Variants in CCDC30 observed in about 807,000 individuals in gnomAD.
CCDC30 encodes the protein coiled-coil domain-containing protein 30.
In CCDC30, 70 loss-of-function variants were observed where a neutral mutation model predicts 100.2. The ratio of observed to expected loss-of-function variants is 0.70; its 90% CI spans 0.58 to 0.85. The LOEUF is 0.85. CCDC30 is among the 40% of genes least tolerant of loss of function. The pLI, the probability that CCDC30 is intolerant of heterozygous loss-of-function variation, is 0.00. For synonymous variants in CCDC30, 233 were observed against 269.5 expected (o/e 0.86, Z 1.33); for missense variants, 652 against 771.2 (o/e 0.85, Z 1.83).
At chr1:42,500,343 T>C (rs1174047974) in intron 6 of CCDC30, 1 of 1,600,448 alleles carries the variant, frequency 6.2e-7, no homozygotes, top group East Asian at 2.2e-5. Flanking sequence ...CAGACATAGT[T>C]GCCGAGGAAA....
At position 42,563,549 on chromosome 1, in the gene CCDC30, A is replaced by T. The variant is rs1437424012; in HGVS notation, c.457-2747A>T. Reference sequence around the variant, plus strand: ...GTATATCTATGTAACAAACCTGCACATTCTGACTATGTATCCTGGTTTTTT... The same window carrying T: ...GTATATCTATGTAACAAACCTGCACTTTCTGACTATGTATCCTGGTTTTTT... On this transcript the variant is annotated intron_variant, in intron 6 of 16. Transcript: ENST00000668663. 2.0e-5 allele frequency among the ~76,000 whole-genome samples: 3 copies of T among 152,176 alleles called. 1 individual carries two copies. Among genetic ancestry groups the T allele is most frequent in the Admixed American group, 2.0e-4 (3 of 15,278 alleles).
rs759016802 is a variant in CCDC30, at chr1:42,589,494, A to T, written c.1164+11A>T. 6.2e-7 allele frequency: 1 copy of T among 1,608,014 alleles called. No homozygotes were observed. ...AGAAAATATGATGAGGTAAGAAAGT[A>T]AATAGACATGCTTCTCAGTTTTCCT... On this transcript the variant is annotated intron_variant, in intron 10 of 16. Coordinates refer to ENST00000668663, the Ensembl canonical transcript of CCDC30.
chr1:42,469,304 C>T (rs1287008397), intron 1 of CCDC30, among the ~76,000 whole-genome samples: 1 of 152,158 alleles, frequency 6.6e-6, no homozygotes, highest in Non-Finnish European at 1.5e-5. Context: ...ATCACTAGAG[C>T]GCAGGAGTTT....
chr1:42,619,460 G>A (rs1211773933), intron 11 of CCDC30, among the ~76,000 whole-genome samples: 4 of 152,178 alleles, frequency 2.6e-5, no homozygotes, highest in African/African-American at 9.7e-5. Context: ...ATTAATGTGT[G>A]TGTGGGAGAA....
intron 10 of CCDC30, among the ~76,000 whole-genome samples, chr1:42,606,489 G>A (rs564728747): frequency 6.6e-6 from 1 of 152,214 alleles, no homozygotes; most frequent in Admixed American, 6.5e-5. Context: ...TGTTGGCCAG[G>A]CTTGTCTCGA....
intron 11 of CCDC30, among the ~76,000 whole-genome samples, chr1:42,634,885 A>G (rs1452665663): frequency 2.0e-5 from 3 of 152,118 alleles, no homozygotes; most frequent in Admixed American, 6.5e-5. Context: ...GCAACCACTA[A>G]TCTACTTTCT....
At chr1:42,482,239 T>A (rs1010928547) in intron 2 of CCDC30, among the ~76,000 whole-genome samples, 22 of 135,994 alleles carry the variant, frequency 1.6e-4, no homozygotes, top group Admixed American at 6.0e-4. Flanking sequence ...AAAAAAAAAA[T>A]CATTACATTA....
chr1:42,651,587 G>A (rs752899547), intron 15 of CCDC30, among the ~76,000 whole-genome samples: 10 of 152,190 alleles, frequency 6.6e-5, no homozygotes, highest in Non-Finnish European at 8.8e-5. Flanking sequence ...ATAAGGGCCA[G>A]GCATGGTAGC....
chr1:42,518,447 C>T (rs1418057241), intron 6 of CCDC30, among the ~76,000 whole-genome samples: 2 of 152,156 alleles, frequency 1.3e-5, no homozygotes, highest in African/African-American at 4.8e-5. Flanking sequence ...ACATTTGTGA[C>T]AGTAGTCCCA....
intron 6 of CCDC30, among the ~76,000 whole-genome samples, chr1:42,518,695 T>G (rs1206786616): frequency 1.3e-5 from 2 of 152,198 alleles, no homozygotes; most frequent in Admixed American, 6.5e-5. Context: ...TACCGACACA[T>G]TTCTTAGGAT....
intron 15 of CCDC30, among the ~76,000 whole-genome samples, chr1:42,649,370 A>C (rs1161855609): frequency 6.6e-6 from 1 of 152,230 alleles, no homozygotes; most frequent in East Asian, 1.9e-4. Context: ...ATCTTATTAC[A>C]TACAGAAAAA....
intron 6 of CCDC30, among the ~76,000 whole-genome samples, chr1:42,514,945 G>T (rs932979405): frequency 6.9e-6 from 1 of 144,664 alleles, no homozygotes; most frequent in East Asian, 2.4e-4. Flanking sequence ...AAGCCACTGT[G>T]CTTGGCCTCT....
At chr1:42,630,039 A>C (rs1183236932) in intron 11 of CCDC30, among the ~76,000 whole-genome samples, 1 of 142,284 alleles carries the variant, frequency 7.0e-6, no homozygotes, top group Non-Finnish European at 1.5e-5. Context: ...CAGTGCCGCA[A>C]TCTCAGCTAA....
chr1:42,494,497 T>A (rs1346961105), intron 4 of CCDC30, among the ~76,000 whole-genome samples: 1 of 152,014 alleles, frequency 6.6e-6, no homozygotes, highest in East Asian at 1.9e-4. Flanking sequence ...AAGCCAAAAT[T>A]GACAAATGGG....
intron 3 of CCDC30, among the ~76,000 whole-genome samples, chr1:42,483,322 G>T (rs1643996483): frequency 6.6e-6 from 1 of 152,126 alleles, no homozygotes; most frequent in African/African-American, 2.4e-5. Flanking sequence ...GTCAGTTTTT[G>T]TCTATTATGA....
intron 6 of CCDC30, among the ~76,000 whole-genome samples, chr1:42,509,301 C>T (rs898849995): frequency 1.1e-4 from 17 of 152,210 alleles, no homozygotes; most frequent in Admixed American, 6.5e-5. Flanking sequence ...GGGGAGCAGA[C>T]CAAGAAACTA....
chr1:42,618,923 A>G (rs1646778092), intron 11 of CCDC30, among the ~76,000 whole-genome samples: 1 of 151,952 alleles, frequency 6.6e-6, no homozygotes, highest in Non-Finnish European at 1.5e-5. Context: ...GAACTTACTT[A>G]CATGGCCTCA....
In CCDC30 at chr1:42,542,933, T is replaced by C. The variant is rs115718277; in HGVS notation, c.457-23363T>C. 1,208 of 153,886 alleles carry C rather than the reference T, an allele frequency of 7.8e-3. 21 individuals are homozygous for C. Among genetic ancestry groups the C allele is most frequent in the African/African-American group, 0.027 (1,126 of 41,620 alleles). The allele number at this position is 153,886 out of a possible 1,614,324, so 9.5% of individuals were successfully genotyped here. On this transcript the variant is annotated intron_variant, in intron 6 of 16. Transcript: ENST00000668663. The stretch of plus-strand genomic sequence containing the variant: ...TACTACTTAAGTGACTAACATTTAT[T>C]ATCTGTAATGTTTACATTTTTACAA...
rs150223321 is a variant in CCDC30, at chr1:42,536,843, T to G, written c.457-29453T>G. 1.6e-4 allele frequency: 72 copies of G among 455,170 alleles called. 1 individual carries two copies. Among genetic ancestry groups the G allele is most frequent in the Non-Finnish European group, 2.5e-4 (63 of 255,086 alleles). The allele number at this position is 455,170 out of a possible 1,614,324, so 28.2% of individuals were successfully genotyped here. On this transcript the variant is annotated intron_variant, in intron 6 of 16. Transcript: ENST00000668663. Reference sequence around the variant, plus strand: ...GAGGGTTCTCTTCCTGGCTTGCAGATGGCCACCTTCTTGCTGTGTCCTCAC... The same window carrying G: ...GAGGGTTCTCTTCCTGGCTTGCAGAGGGCCACCTTCTTGCTGTGTCCTCAC...
Sources: allele counts gnomAD v4.1 joint callset (sites outside exome capture counted in the v4.1 genomes callset), GRCh38; gene constraint gnomAD v4.1.1; transcripts MANE v1.5; gene names NCBI Gene and HGNC (gene_info 2026-07-23, HGNC 2026-07-21).